Variants in POLE observed in about 807,000 individuals in gnomAD.
POLE encodes the protein DNA polymerase epsilon catalytic subunit A.
A neutral mutation model predicts 279.2 loss-of-function variants in POLE; 188 were observed. That is an observed-to-expected ratio of 0.67 (90% CI 0.60 to 0.76). The LOEUF is 0.76. Among genes scored for constraint, POLE ranks in the 30% least tolerant of loss-of-function variants. POLE has a pLI of 0.00. For synonymous variants in POLE, 1,214 were observed against 1,172.5 expected, an observed-to-expected ratio of 1.04 and a Z score of -0.72; for missense variants, 2,703 against 3,016.7, an observed-to-expected ratio of 0.90 and a Z score of 2.44.
At chr12:132,633,669 C>T (rs5745012) in intron 43 of POLE, 1,946 of 153,032 alleles carry the variant, frequency 0.013, 13 homozygotes, top group South Asian at 0.025. Flanking sequence ...AGTGCTTCCT[C>T]GATACACTTC....
At position 132,649,476 on chromosome 12, in the gene POLE, A is replaced by G; in HGVS notation, c.3835T>C (p.Trp1279Arg). Residue 1279 changes from tryptophan (W) to arginine (R), a missense_variant, in exon 31 of 49, where the codon TGG becomes CGG. By Grantham distance (101) the Trp-to-Arg change is moderately radical. Around this residue, in one of 5 missense-constraint regions of POLE, gnomAD observed 1,551 missense variants for 1,686.1 expected, o/e 0.92. Transcript: ENST00000320574. ...LVWLRFHKKK[W>R]QLQARQRLAR... The stretch of plus-strand genomic sequence containing the variant: ...AGGCGCTGCCGGGCCTGCAGCTGCC[A>G]CTTCTTCTTGTGGAACCGGAGCCAG... 1 of 1,612,310 alleles carries G rather than the reference A, an allele frequency of 6.2e-7. No homozygotes were observed. The highest frequency in any genetic ancestry group is 8.5e-7 in the Non-Finnish European group (1 of 1,180,000).
chr12:132,667,285 C>A (rs1224495526), intron 20 of POLE, among the ~76,000 whole-genome samples: 2 of 152,170 alleles, frequency 1.3e-5, no homozygotes, highest in Non-Finnish European at 2.9e-5. Context: ...CTTTAGAAAT[C>A]ATCCTTTAGG....
intron 9 of POLE, 87 bp downstream of exon 9, chr12:132,676,457 TAC>T: frequency 1.1e-6 from 1 of 886,444 alleles, no homozygotes; most frequent in Non-Finnish European, 1.9e-6. Context: ...ACTCAACAAA[TAC>T]TAACAGTGGG....
At chr12:132,632,895 G>A (rs2041963785) in intron 43 of POLE, 100 bp from the exon 44 acceptor site, 5 of 1,299,346 alleles carry the variant, frequency 3.8e-6, no homozygotes, top group Non-Finnish European at 5.2e-6. Context: ...TCACAGATGA[G>A]GCTAAAATGT....
chr12:132,625,366 C>A lies in POLE; in HGVS notation c.6657+279G>T, dbSNP rs1164726016. The A allele has an allele frequency of 6.8e-6, 5 of 733,758 alleles. No homozygotes were observed. The South Asian group carries it at 6.8e-5, about 10-fold the overall frequency. The allele number at this position is 733,758 out of a possible 1,614,324, so 45.5% of individuals were successfully genotyped here. A position where few individuals can be genotyped will look rare whatever the true frequency, so the allele number is the denominator to read the frequency against. On this transcript the variant is annotated intron_variant, in intron 47 of 48. Transcript: ENST00000320574. ...ACCTTCCTGTGGCCGAGCTGTGCAA[C>A]TCCCTCTTCCTCCTTTCCTTCTCTT...
chr12:132,628,081 C>T lies in POLE; in HGVS notation c.6331-1764G>A, dbSNP rs184517849. 1.7e-3 allele frequency among the ~76,000 whole-genome samples: 260 copies of T among 152,286 alleles called. 2 individuals are homozygous for T. The highest frequency in any genetic ancestry group is 0.017 in the South Asian group (81 of 4,828). ...CTTTTTGGCCAGGTGCGGTGGCTCA[C>T]GCCTGTAATCCCAGCACTTTGGGAG... On this transcript the variant is annotated intron_variant, in intron 45 of 48. Coordinates refer to ENST00000320574, the MANE Select transcript of POLE (RefSeq NM_006231.4).
At position 132,672,058 on chromosome 12, in the gene POLE, C is replaced by T. The variant is rs111854552; in HGVS notation, c.1794+157G>A. Among the ~76,000 whole-genome samples the T allele has an allele frequency of 1.0e-3, 156 of 152,302 alleles. 1 individual carries two copies. Among genetic ancestry groups the T allele is most frequent in the Admixed American group, 2.4e-3 (37 of 15,298 alleles). On this transcript the variant is annotated intron_variant, in intron 16 of 48. Coordinates refer to ENST00000320574, the MANE Select transcript of POLE (RefSeq NM_006231.4). Reference sequence around the variant, plus strand: ...CCTCCGACCTTGTGACAGCATCACACGTCACAACCATGACTGCCCTGTCCC... The same window carrying T: ...CCTCCGACCTTGTGACAGCATCACATGTCACAACCATGACTGCCCTGTCCC...
chr12:132,659,245 G>GTCCGTGATGGGAGGAGCCCTCACCTC, intron 26 of POLE, 50 bp downstream of exon 26: 11 of 1,563,482 alleles, frequency 7.0e-6, no homozygotes, highest in South Asian at 1.1e-5. Flanking sequence ...GCCCTCACCT[G>GTCCGTGATGGGAGGAGCCCTCACCTC]TCCGTGATGG....
chr12:132,634,524 C>G lies in POLE; in HGVS notation c.5812-146G>C. ...CTCGCAGTCAAGGCATCCCCTGGAG[C>G]CTGCGTGAATCCCCCAGGGTGGCTC... On this transcript the variant is annotated intron_variant, in intron 42 of 48. Coordinates refer to ENST00000320574, the MANE Select transcript of POLE (RefSeq NM_006231.4). This position sits in a 1 kb window ranked among gnomAD's most constrained non-coding sequence, Gnocchi z 4.0. 1 of 789,958 alleles carries G rather than the reference C, an allele frequency of 1.3e-6. No individual in the cohort carries two copies. Among genetic ancestry groups the G allele is most frequent in the Non-Finnish European group, 2.1e-6 (1 of 483,920 alleles). 48.9% of individuals were successfully genotyped at this position (789,958 alleles called of 1,614,324 possible). A position where few individuals can be genotyped will look rare whatever the true frequency, so the allele number is the denominator to read the frequency against.
In POLE at chr12:132,675,700, C is replaced by G. The variant is rs766330461; in HGVS notation, c.1106+35G>C. On this transcript the variant is annotated intron_variant, in intron 11 of 48. Transcript: ENST00000320574. This position sits in a 1 kb window ranked among gnomAD's most constrained non-coding sequence, Gnocchi z 4.3. ...CACGCAACGCCCTCCCTCTCAAATG[C>G]TGCCCAGTTACTCATAGAGAAGACA... 1 of 1,593,572 alleles carries G rather than the reference C, an allele frequency of 6.3e-7. No individual in the cohort carries two copies. The highest frequency in any genetic ancestry group is 1.7e-5 in the Admixed American group (1 of 59,994).
chr12:132,632,354 G>C lies in POLE; in HGVS notation c.6291C>G (p.Leu2097=), dbSNP rs1328052415. ...TGATGAACTCCAGGGCAGGGTTATT[G>C]AGCAGCAAGTGGGAACCGGGGAGGA... ...FPVLPGSHLL[L]NNPALEFIKY... The change falls in exon 45 of 49, where the codon CTC becomes CTG. Residue 2097 remains leucine, a synonymous_variant. Coordinates refer to ENST00000320574, the MANE Select transcript of POLE (RefSeq NM_006231.4). 1 of 1,614,182 alleles carries C rather than the reference G, an allele frequency of 6.2e-7. No individual in the cohort carries two copies. Among genetic ancestry groups the C allele is most frequent in the South Asian group, 1.1e-5 (1 of 91,084 alleles).
At chr12:132,658,317 C>T (rs1228777678) in intron 26 of POLE, 4 of 237,318 alleles carry the variant, frequency 1.7e-5, no homozygotes, top group Non-Finnish European at 1.7e-5. Context: ...CGTGCATGTT[C>T]GTAACTATGT....
chr12:132,632,795 G>A lies in POLE; in HGVS notation c.6005C>T (p.Ala2002Val), dbSNP rs1247397969. 6 of 1,602,516 alleles carry A rather than the reference G, an allele frequency of 3.7e-6. No individual in the cohort carries two copies. Among genetic ancestry groups the A allele is most frequent in the Non-Finnish European group, 3.4e-6 (4 of 1,176,732 alleles). ...GCAGTGGTACACGGCCACGATGTAC[G>A]CTGTGGAGAGGCACACACACCACAG... ...CQNYFLMIVS[A>V]YIVAVYHCMK... is the part of the protein sequence containing the mutation. The change falls in exon 44 of 49, where the codon GCG becomes GTG. Residue 2002 changes from alanine to valine, a missense_variant and splice_region_variant. By Grantham distance (64) the Ala-to-Val change is moderately conservative. Around this residue, in one of 5 missense-constraint regions of POLE, gnomAD observed 1,551 missense variants for 1,686.1 expected, o/e 0.92. Coordinates refer to ENST00000320574, the MANE Select transcript of POLE (RefSeq NM_006231.4).
intron 2 of POLE, 37 bp from the exon 3 acceptor site, chr12:132,680,724 C>A: frequency 1.3e-6 from 2 of 1,498,206 alleles, no homozygotes; most frequent in Non-Finnish European, 1.9e-6. Context: ...ACAAGACCAT[C>A]CTCTACACAG....
Position 132,673,641 on chromosome 12 carries a change from C to T in POLE, c.1293G>A (p.Lys431=), listed in dbSNP as rs756257860. The part of the protein sequence containing the change: ...SHNLKAAAKA[K]LGYDPVELDP... ...CTAGCTCCACGGGATCATAGCCTAG[C>T]TTGGCCTTGGCGGCCGCCTTGAGAT... The change falls in exon 13 of 49, where the codon AAG becomes AAA. Residue 431 remains lysine, a synonymous_variant. Transcript: ENST00000320574. 6.2e-7 allele frequency: 1 copy of T among 1,614,034 alleles called. No individual in the cohort carries two copies. Among genetic ancestry groups the T allele is most frequent in the Non-Finnish European group, 8.5e-7 (1 of 1,179,988 alleles).
In POLE at chr12:132,649,777, T is replaced by C. The variant is rs774999422; in HGVS notation, c.3695A>G (p.Lys1232Arg). 4 of 1,614,184 alleles carry C rather than the reference T, an allele frequency of 2.5e-6. No individual in the cohort carries two copies. The highest frequency in any genetic ancestry group is 3.4e-6 in the Non-Finnish European group (4 of 1,180,036). Residue 1232 changes from lysine (K) to arginine (R), a missense_variant, in exon 30 of 49, where the codon AAG becomes AGG. By Grantham distance (26) the Lys-to-Arg change is conservative. Around this residue, in one of 5 missense-constraint regions of POLE, gnomAD observed 1,551 missense variants for 1,686.1 expected, o/e 0.92. Transcript: ENST00000320574. ...HPAAPVTVKR[K>R]RVLWESQEES... ...CTCCTGGCTCTCCCAAAGAACTCGC[T>C]TCCTCTTCACAGTGACAGGGGCTGC...
rs375785166 is a variant in POLE, at chr12:132,680,036, C to T, written c.341G>A (p.Arg114Gln). Residue 114 changes from arginine to glutamine, a missense_variant, in exon 5 of 49, where the codon CGA (arginine) becomes CAA (glutamine). This residue lies in a region of POLE where 1,011 missense variants were observed against 1,111.7 expected (regional missense o/e 0.91). Coordinates refer to ENST00000320574, the MANE Select transcript of POLE (RefSeq NM_006231.4). ...FYIATRKGCE[R>Q]EVSSFLSKKF... The stretch of plus-strand genomic sequence containing the variant: ...CTTGGAGAGAAAAGATGAAACTTCT[C>T]GCTCACAACCCTAATCAGGATCAGA... 1.3e-5 allele frequency: 21 copies of T among 1,613,410 alleles called. No individual in the cohort carries two copies. The highest frequency in any genetic ancestry group is 4.0e-5 in the African/African-American group (3 of 74,898).
rs1181206714 is a variant in POLE at position 132,679,493 on chromosome 12, T to C, written c.578+4A>G. On this transcript the variant is annotated splice_donor_region_variant and intron_variant, in intron 6 of 48. Transcript: ENST00000320574. ...GATGCTTTGCTCACAAGACCAAAGT[T>C]TACCTGGAAAGCAGAGCTGTGTACG... is the stretch of plus-strand genomic sequence containing the variant. The C allele has an allele frequency of 1.9e-6, 3 of 1,596,678 alleles. No homozygotes were observed. Among genetic ancestry groups the C allele is most frequent in the Non-Finnish European group, 1.7e-6 (2 of 1,165,716 alleles).
intron 1 of POLE, 81 bp from the exon 2 acceptor site, chr12:132,681,360 T>C: frequency 3.4e-6 from 5 of 1,474,100 alleles, no homozygotes; most frequent in Non-Finnish European, 4.6e-6. Flanking sequence ...TTCTTTTTTT[T>C]TGAGACGGAG....
Sources: allele counts gnomAD v4.1 joint callset (sites outside exome capture counted in the v4.1 genomes callset), GRCh38; gene constraint gnomAD v4.1.1; regional missense constraint gnomAD v4.1.1; non-coding constraint Gnocchi (gnomAD v3.1); transcripts MANE v1.5; gene names NCBI Gene and HGNC (gene_info 2026-07-23, HGNC 2026-07-21).